ELF2: variants seen among roughly 807,000 people sequenced by gnomAD.
The protein encoded by ELF2 is ETS-related transcription factor Elf-2.
Under a neutral mutation model 54.8 loss-of-function variants are expected in ELF2, and 11 were observed. The ratio of observed to expected loss-of-function variants is 0.20; its 90% CI spans 0.13 to 0.33. The LOEUF (loss-of-function observed/expected upper bound fraction) is 0.33, where lower values mean the gene tolerates loss of function less well. Among genes scored for constraint, ELF2 ranks in the 10% least tolerant of loss-of-function variants. The pLI is 1.00. For missense variants in ELF2, 513 were observed against 703.0 expected (o/e 0.73, Z 3.06); for synonymous variants, 203 against 245.1 (o/e 0.83, Z 1.61).
chr4:139,061,819 G>T, intron 8 of ELF2, 46 bp downstream of exon 8: 1 of 1,598,466 alleles, frequency 6.3e-7, no homozygotes. Context: ...GACATATAAA[G>T]AAATACATAA....
intron 4 of ELF2, among the ~76,000 whole-genome samples, chr4:139,119,293 C>A (rs1476439610): frequency 1.3e-5 from 2 of 152,198 alleles, no homozygotes; most frequent in Non-Finnish European, 2.9e-5. Flanking sequence ...TCTCCCTGAC[C>A]TTTCTTTACT....
chr4:139,119,540 G>C (rs1209724941), intron 4 of ELF2, among the ~76,000 whole-genome samples: 2 of 152,162 alleles, frequency 1.3e-5, no homozygotes, highest in African/African-American at 4.8e-5. Context: ...TCCCTGTTCA[G>C]GGCTCTATTC....
chr4:139,156,376 T>C (rs1740539290), intron 1 of ELF2, among the ~76,000 whole-genome samples: 2 of 152,122 alleles, frequency 1.3e-5, no homozygotes, highest in South Asian at 4.1e-4. Context: ...AGACTGGGTT[T>C]CACCGTGTTA....
At chr4:139,158,952 C>G (rs1029922814) in intron 1 of ELF2, among the ~76,000 whole-genome samples, 5 of 152,066 alleles carry the variant, frequency 3.3e-5, no homozygotes, top group Admixed American at 3.3e-4. Flanking sequence ...AAAAGTTTCA[C>G]TGAATACCAA....
At chr4:139,170,734 T>TATATC (rs1388552096) in intron 1 of ELF2, among the ~76,000 whole-genome samples, 84 of 140,724 alleles carry the variant, frequency 6.0e-4, no homozygotes, top group African/African-American at 2.1e-3. Context: ...TATATTATAT[T>TATATC]ATATTAATTA....
chr4:139,126,103 T>C (rs987122714), intron 3 of ELF2, among the ~76,000 whole-genome samples: 2 of 152,128 alleles, frequency 1.3e-5, no homozygotes, highest in Non-Finnish European at 2.9e-5. Context: ...GAGAAGATAT[T>C]ATAAAGTAAG....
chr4:139,096,723 G>GC (rs938270891), intron 4 of ELF2, among the ~76,000 whole-genome samples: 1 of 150,862 alleles, frequency 6.6e-6, no homozygotes, highest in Non-Finnish European at 1.5e-5. Context: ...GCCCACCTCA[G>GC]CCTCCCAAAG....
At chr4:139,151,096 A>AAAGAAAGAGAGAAAGAAAGAAAG (rs1560871880) in intron 1 of ELF2, among the ~76,000 whole-genome samples, 23 of 128,260 alleles carry the variant, frequency 1.8e-4, no homozygotes, top group African/African-American at 7.0e-4. Context: ...AAGAAAGAAA[A>AAAGAAAGAGAGAAAGAAAGAAAG]AGAGAGCTAT....
At position 139,177,070 on chromosome 4, in the gene ELF2, C is replaced by A. The variant is rs1414484290; in HGVS notation, c.-355G>T. 4 of 152,404 alleles carry A rather than the reference C, an allele frequency of 2.6e-5. No homozygotes were observed. The East Asian group carries it at 7.8e-4, about 30-fold the overall frequency. The allele number at this position is 152,404 out of a possible 1,614,324, so 9.4% of individuals were successfully genotyped here. A position where few individuals can be genotyped will look rare whatever the true frequency, so the allele number is the denominator to read the frequency against. On this transcript the variant is annotated 5_prime_UTR_variant, in exon 1 of 10. In the 5' UTR this introduces an upstream ATG that the reference lacks. Transcript: ENST00000686138. ...CCGAGCGTCCGGAGGGAGCCGGGGC[C>A]TCCCCAGCAGCCCGAGCCGCTCCAC...
chr4:139,172,482 C>G (rs961919341), intron 1 of ELF2, among the ~76,000 whole-genome samples: 3 of 152,162 alleles, frequency 2.0e-5, no homozygotes, highest in African/African-American at 7.2e-5. Context: ...CACTTAGTGG[C>G]CATCTCAGCT....
chr4:139,060,470 A>G lies in ELF2; in HGVS notation c.1011T>C (p.Val337=). The change falls in exon 9 of 10, where the codon GTT becomes GTC. Residue 337 remains valine (V), a synonymous_variant. Transcript: ENST00000686138. The part of the protein sequence containing the change: ...AESLLKAASS[V]RSGKNSSPIN... ...TAGGGGATGAATTTTTTCCACTGCG[A>G]ACAGAGGATGCTGCTTTCAGGAGAC... 2.5e-6 allele frequency: 4 copies of G among 1,614,206 alleles called. No homozygotes were observed. The highest frequency in any genetic ancestry group is 3.4e-6 in the Non-Finnish European group (4 of 1,180,044).
chr4:139,133,815 A>G (rs1737812701), intron 3 of ELF2, among the ~76,000 whole-genome samples: 1 of 152,040 alleles, frequency 6.6e-6, no homozygotes, highest in African/African-American at 2.4e-5. Flanking sequence ...TTCCAATTGT[A>G]TATTGCTAGT....
intron 1 of ELF2, among the ~76,000 whole-genome samples, chr4:139,142,782 C>T (rs903802551): frequency 2.0e-5 from 3 of 151,514 alleles, no homozygotes; most frequent in Non-Finnish European, 2.9e-5. Context: ...CCCAGCTACT[C>T]GGGACGCTGG....
chr4:139,176,121 C>T (rs1481376587), intron 1 of ELF2, among the ~76,000 whole-genome samples: 1 of 152,186 alleles, frequency 6.6e-6, no homozygotes, highest in Admixed American at 6.5e-5. Context: ...CATCCCGTCG[C>T]GCGGTCCCTG....
intron 4 of ELF2, among the ~76,000 whole-genome samples, chr4:139,074,296 A>C (rs1428919978): frequency 6.6e-6 from 1 of 152,190 alleles, no homozygotes; most frequent in East Asian, 1.9e-4. Context: ...AAACCCTGTG[A>C]GGGCAATTAT....
intron 4 of ELF2, chr4:139,084,261 C>T (rs566763233): frequency 3.7e-6 from 6 of 1,606,018 alleles, no homozygotes; most frequent in Non-Finnish European, 8.5e-7. Flanking sequence ...GGGGAGGAGG[C>T]GGAACCCGCG....
intron 4 of ELF2, among the ~76,000 whole-genome samples, chr4:139,111,274 T>C (rs770322075): frequency 6.6e-6 from 1 of 152,148 alleles, no homozygotes; most frequent in Admixed American, 6.5e-5. Flanking sequence ...AACTTTTACT[T>C]ACAAGTTAGT....
chr4:139,097,153 A>C (rs1327937436), intron 4 of ELF2, among the ~76,000 whole-genome samples: 1 of 152,144 alleles, frequency 6.6e-6, no homozygotes, highest in African/African-American at 2.4e-5. Context: ...GTTCTGCTTA[A>C]GCGAAATTCC....
intron 4 of ELF2, among the ~76,000 whole-genome samples, chr4:139,109,415 C>T (rs554237949): frequency 1.3e-5 from 2 of 152,080 alleles, no homozygotes; most frequent in Non-Finnish European, 2.9e-5. Context: ...GAATTTTAGT[C>T]CCTTGGCTAT....
Sources: gnomAD v4.1 joint callset for allele counts (sites outside exome capture counted in the v4.1 genomes callset) on GRCh38, gnomAD v4.1.1 for gene constraint, MANE v1.5 for transcripts, NCBI Gene and HGNC (gene_info 2026-07-23, HGNC 2026-07-21) for gene names.